Variants in MEI4 observed in about 807,000 individuals in gnomAD.
The protein encoded by MEI4 is meiosis-specific protein MEI4.
Under a neutral mutation model 31.4 loss-of-function variants are expected in MEI4, and 27 were observed. The observed-to-expected ratio is 0.86, with a 90% CI of 0.63 to 1.19. MEI4 has a LOEUF of 1.19. Among genes scored for constraint, MEI4 ranks in the 50% most tolerant of loss-of-function variants. The pLI, the probability that MEI4 is intolerant of heterozygous loss-of-function variation, is 0.00. For missense variants in MEI4, 329 were observed against 398.9 expected, an observed-to-expected ratio of 0.82 and a Z score of 1.49; for synonymous variants, 122 against 145.4, an observed-to-expected ratio of 0.84 and a Z score of 1.16.
intron 1 of MEI4, among the ~76,000 whole-genome samples, chr6:77,661,216 C>G (rs1768499557): frequency 1.3e-5 from 2 of 152,082 alleles, no homozygotes; most frequent in Non-Finnish European, 2.9e-5. Context: ...GACCATTAGT[C>G]CGTTCTACCT....
chr6:77,852,350 C>T (rs1487875935), intron 4 of MEI4, among the ~76,000 whole-genome samples: 2 of 152,198 alleles, frequency 1.3e-5, no homozygotes, highest in Admixed American at 1.3e-4. Context: ...ATGGCTTATA[C>T]ATAATCAGTG....
At chr6:77,897,403 T>C (rs190227466) in intron 4 of MEI4, among the ~76,000 whole-genome samples, 6 of 152,126 alleles carry the variant, frequency 3.9e-5, no homozygotes, top group Non-Finnish European at 5.9e-5. Context: ...CATTTTGCTA[T>C]TACCTTGTTA....
intron 3 of MEI4, among the ~76,000 whole-genome samples, chr6:77,793,219 T>G (rs1359125544): frequency 1.3e-5 from 2 of 152,138 alleles, no homozygotes; most frequent in African/African-American, 2.4e-5. Context: ...AATAGAAATT[T>G]TACAAGCCAC....
intron 3 of MEI4, among the ~76,000 whole-genome samples, chr6:77,790,720 A>C (rs141164111): frequency 6.6e-6 from 1 of 152,292 alleles, no homozygotes; most frequent in African/African-American, 2.4e-5. Flanking sequence ...AGTGAAGGAT[A>C]AAGAGAGTAT....
At chr6:77,817,237 C>G (rs149057208) in intron 3 of MEI4, among the ~76,000 whole-genome samples, 2 of 152,190 alleles carry the variant, frequency 1.3e-5, no homozygotes, top group East Asian at 3.9e-4. Context: ...AAAGCAGAAA[C>G]TTGGTTGAAC....
At chr6:77,734,735 G>A (rs143176746) in intron 2 of MEI4, among the ~76,000 whole-genome samples, 3 of 151,672 alleles carry the variant, frequency 2.0e-5, no homozygotes, top group Admixed American at 1.3e-4. Flanking sequence ...AGTCTCGATG[G>A]TCTTTACCTT....
At chr6:77,819,317 G>T (rs971274367) in intron 3 of MEI4, among the ~76,000 whole-genome samples, 1 of 151,670 alleles carries the variant, frequency 6.6e-6, no homozygotes, top group African/African-American at 2.4e-5. Context: ...ATAGTTTATG[G>T]ATTTTTTTCT....
intron 4 of MEI4, among the ~76,000 whole-genome samples, chr6:77,877,600 A>T (rs1218971387): frequency 6.6e-6 from 1 of 152,104 alleles, no homozygotes; most frequent in Non-Finnish European, 1.5e-5. Context: ...TGTGATATTC[A>T]GAAATGTCAG....
intron 3 of MEI4, among the ~76,000 whole-genome samples, chr6:77,815,399 A>G (rs1160108115): frequency 1.3e-5 from 2 of 152,268 alleles, no homozygotes; most frequent in East Asian, 1.9e-4. Context: ...ATTAAAGGGC[A>G]TAACATTAAA....
At chr6:77,858,340 T>G (rs1188439947) in intron 4 of MEI4, among the ~76,000 whole-genome samples, 1 of 152,156 alleles carries the variant, frequency 6.6e-6, no homozygotes, top group Non-Finnish European at 1.5e-5. Flanking sequence ...CTCAAAGGCA[T>G]ATACAACTGA....
upstream of MEI4, among the ~76,000 whole-genome samples, chr6:77,652,793 G>C (rs890249843): frequency 6.6e-6 from 1 of 152,064 alleles, no homozygotes; most frequent in Non-Finnish European, 1.5e-5. Flanking sequence ...AGAGATTTCT[G>C]CTCTGAACAG....
At chr6:77,877,158 T>TA (rs1343040576) in intron 4 of MEI4, among the ~76,000 whole-genome samples, 1 of 152,086 alleles carries the variant, frequency 6.6e-6, no homozygotes, top group Non-Finnish European at 1.5e-5. Context: ...CACAAAGATA[T>TA]AAAAAACTCA....
At chr6:77,804,653 C>T (rs771898873) in intron 3 of MEI4, among the ~76,000 whole-genome samples, 17 of 152,168 alleles carry the variant, frequency 1.1e-4, no homozygotes, top group Non-Finnish European at 2.4e-4. Context: ...ACATCCCTTT[C>T]TCTGTTCTAG....
At chr6:77,916,619 C>A (rs1766554921) in intron 4 of MEI4, among the ~76,000 whole-genome samples, 1 of 151,956 alleles carries the variant, frequency 6.6e-6, no homozygotes. Flanking sequence ...TTGTTGTCAA[C>A]AATGTTTATA....
intron 2 of MEI4, among the ~76,000 whole-genome samples, chr6:77,699,822 G>A (rs569025623): frequency 7.7e-4 from 117 of 152,278 alleles, no homozygotes; most frequent in African/African-American, 2.6e-3. Context: ...CTGCAGGTCT[G>A]TTGGAGTTTG....
chr6:77,696,283 C>A (rs1176227403), intron 2 of MEI4, among the ~76,000 whole-genome samples: 1 of 152,138 alleles, frequency 6.6e-6, no homozygotes, highest in Non-Finnish European at 1.5e-5. Flanking sequence ...TTGTCCTGGA[C>A]AGAACTTCCA....
At chr6:77,803,856 G>T (rs921599925) in intron 3 of MEI4, among the ~76,000 whole-genome samples, 1 of 152,124 alleles carries the variant, frequency 6.6e-6, no homozygotes, top group African/African-American at 2.4e-5. Flanking sequence ...GGAGTACCCA[G>T]CCATGTGAGT....
chr6:77,807,986 A>G (rs1189003860), intron 3 of MEI4, among the ~76,000 whole-genome samples: 1 of 152,284 alleles, frequency 6.6e-6, no homozygotes, highest in Non-Finnish European at 1.5e-5. Context: ...TAACAGCAAT[A>G]CTATGTCTAA....
At chr6:77,793,522 G>T (rs2127697065) in intron 3 of MEI4, among the ~76,000 whole-genome samples, 1 of 152,258 alleles carries the variant, frequency 6.6e-6, no homozygotes, top group South Asian at 2.1e-4. Flanking sequence ...GTGTGTATAG[G>T]TCATTTTAAC....
Sources: allele counts gnomAD v4.1 joint callset (sites outside exome capture counted in the v4.1 genomes callset), GRCh38; gene constraint gnomAD v4.1.1; transcripts MANE v1.5; gene names NCBI Gene and HGNC (gene_info 2026-07-23, HGNC 2026-07-21).